The following SAV1 variants were observed in gnomAD, a reference collection of about 807,000 sequenced individuals.
SAV1 encodes the protein salvador family WW domain containing protein 1.
SAV1 carries 23 observed loss-of-function variants against 47.3 expected under a neutral mutation model. That is an observed-to-expected ratio of 0.49 (90% CI 0.35 to 0.69). The LOEUF (loss-of-function observed/expected upper bound fraction) is 0.69, where lower values mean the gene tolerates loss of function less well. SAV1 is among the 30% of genes least tolerant of loss of function. The probability of loss-of-function intolerance (pLI) is 0.01; values close to 1 mark genes in which losing one functional copy is unlikely to be tolerated. For synonymous variants in SAV1, 155 were observed against 159.2 expected (o/e 0.97, Z 0.20); for missense variants, 448 against 457.4 (o/e 0.98, Z 0.19).
chr14:50,665,700 AC>A, intron 1 of SAV1, 81 bp from the exon 2 acceptor site: 3 of 1,235,586 alleles, frequency 2.4e-6, no homozygotes, highest in Non-Finnish European at 3.3e-6. Context: ...TATGTCTACC[AC>A]CCCAAAATCA....
rs78639424 is a variant in SAV1, at chr14:50,657,425, A to T, written c.535+7754T>A. ...TCTAGGAGGTAGTACTATTACCACC[A>T]ATTTACAGATGAGAAAACAGGTTCA... On this transcript the variant is annotated intron_variant, in intron 2 of 4. Transcript: ENST00000324679. Among the ~76,000 whole-genome samples the T allele has an allele frequency of 6.3e-3, 962 of 152,348 alleles. 13 individuals are homozygous for T. The highest frequency in any genetic ancestry group is 0.022 in the African/African-American group (903 of 41,582).
intron 2 of SAV1, among the ~76,000 whole-genome samples, chr14:50,646,343 G>C (rs562068995): frequency 1.3e-5 from 2 of 152,292 alleles, no homozygotes; most frequent in African/African-American, 4.8e-5. Flanking sequence ...AGAGGTAACT[G>C]AAACTGTGGA....
intron 2 of SAV1, among the ~76,000 whole-genome samples, chr14:50,658,755 T>C (rs1164231841): frequency 2.6e-5 from 4 of 152,242 alleles, no homozygotes; most frequent in African/African-American, 7.2e-5. Flanking sequence ...TTCTCCTTTC[T>C]ATTCATTCAA....
chr14:50,660,896 G>A (rs1453314934), intron 2 of SAV1, among the ~76,000 whole-genome samples: 1 of 152,148 alleles, frequency 6.6e-6, no homozygotes, highest in Non-Finnish European at 1.5e-5. Flanking sequence ...CATTCAAGCT[G>A]CTGCAAATGA....
chr14:50,645,442 T>A (rs1450086269), intron 2 of SAV1, among the ~76,000 whole-genome samples: 1 of 152,162 alleles, frequency 6.6e-6, no homozygotes, highest in African/African-American at 2.4e-5. Context: ...ACAAAATTAT[T>A]TAAAATATTA....
Position 50,633,979 on chromosome 14 carries a change from G to A in SAV1, c.*1204C>T. 4.4e-6 allele frequency: 1 copy of A among 226,366 alleles called. No homozygotes were observed. Among genetic ancestry groups the A allele is most frequent in the South Asian group, 5.7e-5 (1 of 17,560 alleles). The allele number at this position is 226,366 out of a possible 1,614,324, so 14.0% of individuals were successfully genotyped here. Reference sequence around the variant, plus strand: ...AAAAACTGGGAGGGAAATATATGGTGTTAAAGTCCTGTGATAAATACTTAG... The same window carrying A: ...AAAAACTGGGAGGGAAATATATGGTATTAAAGTCCTGTGATAAATACTTAG... On this transcript the variant is annotated 3_prime_UTR_variant, in exon 5 of 5. Coordinates refer to ENST00000324679, the MANE Select transcript of SAV1 (RefSeq NM_021818.4).
intron 4 of SAV1, among the ~76,000 whole-genome samples, chr14:50,638,508 T>C (rs60892974): frequency 0.019 from 2,923 of 152,226 alleles, 100 homozygotes; most frequent in African/African-American, 0.066. Flanking sequence ...TCAACAGTGC[T>C]GCTATCCTCA....
intron 2 of SAV1, among the ~76,000 whole-genome samples, chr14:50,655,098 T>C (rs1220368922): frequency 6.6e-6 from 1 of 152,338 alleles, no homozygotes; most frequent in East Asian, 1.9e-4. Context: ...GTTTAATATG[T>C]ATAGTTTAAG....
intron 2 of SAV1, among the ~76,000 whole-genome samples, chr14:50,660,446 A>T (rs1358663128): frequency 6.6e-6 from 1 of 152,200 alleles, no homozygotes; most frequent in Non-Finnish European, 1.5e-5. Context: ...CGGATAGCAG[A>T]CAAGAGCCCA....
intron 2 of SAV1, among the ~76,000 whole-genome samples, chr14:50,660,387 A>T (rs1010764085): frequency 1.3e-4 from 20 of 152,184 alleles, no homozygotes; most frequent in African/African-American, 4.8e-4. Flanking sequence ...TGCAATAATT[A>T]AACTCTTTCT....
chr14:50,640,669 C>G (rs564521811), intron 4 of SAV1, 81 bp downstream of exon 4: 1 of 1,275,002 alleles, frequency 7.8e-7, no homozygotes, highest in African/African-American at 1.5e-5. Context: ...ATATGGCACA[C>G]TACTTGGATC....
At chr14:50,645,084 C>A in intron 2 of SAV1, 70 bp from the exon 3 acceptor site, 1 of 1,342,796 alleles carries the variant, frequency 7.4e-7, no homozygotes, top group Non-Finnish European at 1.0e-6. Flanking sequence ...TGCCAGCTAG[C>A]AAAGTCACAA....
intron 2 of SAV1, among the ~76,000 whole-genome samples, chr14:50,653,820 G>T (rs571770599): frequency 6.7e-6 from 1 of 150,242 alleles, no homozygotes; most frequent in East Asian, 1.9e-4. Context: ...AGTGAGCCGA[G>T]ATCATGCCAC....
Position 50,635,309 on chromosome 14 carries a change from G to C in SAV1, c.1026C>G (p.Leu342=). 6.2e-7 allele frequency: 1 copy of C among 1,614,092 alleles called. No homozygotes were observed. Among genetic ancestry groups the C allele is most frequent in the African/African-American group, 1.3e-5 (1 of 75,042 alleles). ...CAATCTGCTCCAATTCTTTCATGAA[G>C]AGCAACTTTAGCATTCCCTGGTATG... ...LDTYQGMLKL[L]FMKELEQIVK... Residue 342 remains leucine, a synonymous_variant, in exon 5 of 5, where the codon CTC becomes CTG. Coordinates refer to ENST00000324679, the MANE Select transcript of SAV1 (RefSeq NM_021818.4).
intron 2 of SAV1, among the ~76,000 whole-genome samples, chr14:50,652,886 C>G (rs2140257423): frequency 6.6e-6 from 1 of 152,226 alleles, no homozygotes; most frequent in Middle Eastern, 3.4e-3. Flanking sequence ...CAAAAATTAG[C>G]CAGGCGTGGT....
intron 2 of SAV1, among the ~76,000 whole-genome samples, chr14:50,652,200 G>A (rs1215767962): frequency 1.3e-5 from 2 of 152,170 alleles, no homozygotes; most frequent in East Asian, 3.8e-4. Context: ...ACTTAAAAAT[G>A]GTTAAGATGG....
chr14:50,638,849 C>T (rs1171800450), intron 4 of SAV1, among the ~76,000 whole-genome samples: 1 of 151,772 alleles, frequency 6.6e-6, no homozygotes, highest in East Asian at 1.9e-4. Flanking sequence ...CTCACTGCAA[C>T]CTCCGCCTCC....
intron 4 of SAV1, among the ~76,000 whole-genome samples, chr14:50,637,289 TGTAAGAAA>T: frequency 6.6e-6 from 1 of 152,346 alleles, no homozygotes; most frequent in South Asian, 2.1e-4. Context: ...AGAGTGATAC[TGTAAGAAA>T]TACTCAATGA....
At chr14:50,642,715 T>A (rs181393321) in intron 3 of SAV1, among the ~76,000 whole-genome samples, 1 of 152,308 alleles carries the variant, frequency 6.6e-6, no homozygotes, top group East Asian at 1.9e-4. Context: ...AAGGTCACTG[T>A]TTACTAAACT....
Sources: allele counts gnomAD v4.1 joint callset (sites outside exome capture counted in the v4.1 genomes callset), GRCh38; gene constraint gnomAD v4.1.1; transcripts MANE v1.5; gene names NCBI Gene and HGNC (gene_info 2026-07-23, HGNC 2026-07-21).